The following PTPRU variants were observed in gnomAD, a reference collection of about 807,000 sequenced individuals.
PTPRU encodes the protein receptor-type tyrosine-protein phosphatase U.
In PTPRU, 69 loss-of-function variants were observed where a neutral mutation model predicts 166.3. The observed-to-expected ratio is 0.41, with a 90% CI of 0.34 to 0.51. The LOEUF (loss-of-function observed/expected upper bound fraction) is 0.51. Ranked by LOEUF, PTPRU falls within the 20% of genes least tolerant of loss-of-function variation. The probability of loss-of-function intolerance (pLI) is 0.09; values close to 1 mark genes in which losing one functional copy is unlikely to be tolerated. For missense variants in PTPRU, 1,657 were observed against 2,013.7 expected (o/e 0.82, Z 3.39); for synonymous variants, 793 against 814.0 (o/e 0.97, Z 0.44).
In PTPRU at chr1:29,311,845, G is replaced by A. The variant is rs769516856; in HGVS notation, c.3072+86G>A. ...CCCACTTCCCCCAGCCCTGGGAGCA[G>A]GAGGGTGAGGAGCGCACCACTGCCC... On this transcript the variant is annotated intron_variant, in intron 21 of 29. Transcript: ENST00000373779. This position sits in a 1 kb window ranked among gnomAD's most constrained non-coding sequence, Gnocchi z 4.1. 7.7e-7 allele frequency: 1 copy of A among 1,301,592 alleles called. No individual in the cohort carries two copies. Among genetic ancestry groups the A allele is most frequent in the African/African-American group, 1.5e-5 (1 of 68,548 alleles). 80.6% of individuals were successfully genotyped at this position (1,301,592 alleles called of 1,614,324 possible).
intron 14 of PTPRU, among the ~76,000 whole-genome samples, chr1:29,285,241 C>G (rs1266822172): frequency 6.6e-6 from 1 of 152,172 alleles, no homozygotes; most frequent in East Asian, 1.9e-4. Flanking sequence ...GCCAAGGTGT[C>G]TGCCCTGCTT....
At chr1:29,325,124 T>A in intron 28 of PTPRU, 67 bp from the exon 29 acceptor site, 1 of 1,595,840 alleles carries the variant, frequency 6.3e-7, no homozygotes, top group East Asian at 2.2e-5. Context: ...CCCTCGTGGT[T>A]CCCTGGCCCT....
chr1:29,304,614 G>T (rs917051034), intron 16 of PTPRU, among the ~76,000 whole-genome samples, 160 bp from the exon 17 acceptor site: 3 of 151,974 alleles, frequency 2.0e-5, no homozygotes, highest in Admixed American at 2.0e-4. Flanking sequence ...CTGATAAAAG[G>T]ACCCACAGTG....
chr1:29,296,768 T>C (rs137911315), intron 15 of PTPRU, among the ~76,000 whole-genome samples: 216 of 151,930 alleles, frequency 1.4e-3, no homozygotes, highest in African/African-American at 4.9e-3. Flanking sequence ...GCGATTTACT[T>C]GTCTTTGCCT....
chr1:29,260,285 G>C lies in PTPRU; in HGVS notation c.850+241G>C, dbSNP rs1443513514. ...GGGTCAAGGTGAGAGCCTAAAGAGG[G>C]GTGGGGTTCTGGCTGTGTGACTTCT... is the stretch of plus-strand genomic sequence containing the variant. On this transcript the variant is annotated intron_variant, in intron 6 of 29. Transcript: ENST00000373779. This position sits in a 1 kb window ranked among gnomAD's most constrained non-coding sequence, Gnocchi z 8.3. The C allele has an allele frequency of 1.0e-5, 5 of 500,252 alleles. No homozygotes were observed. Among genetic ancestry groups the C allele is most frequent in the Non-Finnish European group, 1.7e-5 (5 of 298,476 alleles). The allele number at this position is 500,252 out of a possible 1,614,324, so 31.0% of individuals were successfully genotyped here.
chr1:29,283,250 T>C (rs2151954192), intron 12 of PTPRU, among the ~76,000 whole-genome samples: 1 of 132,254 alleles, frequency 7.6e-6, no homozygotes. Flanking sequence ...TTACCTCCCA[T>C]AGAGCCACCC....
Position 29,310,774 on chromosome 1 carries a change from A to C in PTPRU, c.2851A>C (p.Thr951Pro). 1 of 1,613,716 alleles carries C rather than the reference A, an allele frequency of 6.2e-7. No homozygotes were observed. Among genetic ancestry groups the C allele is most frequent in the African/African-American group, 1.3e-5 (1 of 74,924 alleles). The change falls in exon 19 of 30, where the codon ACT becomes CCT. Residue 951 changes from threonine (T) to proline (P), a missense_variant. Thr to Pro is a conservative substitution (Grantham distance 38, BLOSUM62 -1). Coordinates refer to ENST00000373779, the MANE Select transcript of PTPRU (RefSeq NM_133178.4). ...GYHRSNHFIA[T>P]QGPKPEMVYD... is the part of the protein sequence containing the mutation. ...CCACAGGTCAAACCACTTCATAGCC[A>C]CTCAAGGTACCTGGCACTTCTGCCC...
intron 22 of PTPRU, among the ~76,000 whole-genome samples, chr1:29,312,969 C>T (rs1266517680): frequency 1.3e-5 from 2 of 152,148 alleles, no homozygotes; most frequent in African/African-American, 2.4e-5. Flanking sequence ...GAGGGGCCTC[C>T]GGGCCGCTGA....
In PTPRU at chr1:29,260,052, G is replaced by A; in HGVS notation, c.850+8G>A. 7.1e-7 allele frequency: 1 copy of A among 1,416,890 alleles called. No homozygotes were observed. The allele number at this position is 1,416,890 out of a possible 1,614,324, so 87.8% of individuals were successfully genotyped here. A position where few individuals can be genotyped will look rare whatever the true frequency, so the allele number is the denominator to read the frequency against. ...CGGAGCTCATCGTCAAGGGTCAGCT[G>A]GTGGACGCCGGGGAGCGCCGGGACC... On this transcript the variant is annotated splice_region_variant and intron_variant, in intron 6 of 29. Transcript: ENST00000373779. This position sits in a 1 kb window ranked among gnomAD's most constrained non-coding sequence, Gnocchi z 8.3.
intron 7 of PTPRU, among the ~76,000 whole-genome samples, chr1:29,267,896 G>A (rs1268280579): frequency 3.3e-5 from 5 of 152,240 alleles, no homozygotes; most frequent in South Asian, 4.1e-4. Context: ...GCTGGGAGCC[G>A]AGTGGAAGTG....
chr1:29,241,539 A>T (rs1210740283), intron 1 of PTPRU, among the ~76,000 whole-genome samples: 1 of 148,594 alleles, frequency 6.7e-6, no homozygotes, highest in African/African-American at 2.5e-5. Context: ...TCCAGTTGTT[A>T]GTGAGTCTGG....
At position 29,311,542 on chromosome 1, in the gene PTPRU, G is replaced by A. The variant is rs761708200; in HGVS notation, c.2944G>A (p.Glu982Lys). Reference protein sequence around the residue: ...SSIVMITKLVEVGRVKCSRYW... With the variant: ...SSIVMITKLVKVGRVKCSRYW... ...CATCGTCATGATCACCAAGCTGGTC[G>A]AGGTGGGCAGGGTAAGCCGGGCTGT... The change falls in exon 20 of 30, where the codon GAG (glutamate) becomes AAG (lysine). Residue 982 changes from glutamate (E) to lysine (K), a missense_variant. Physicochemically the swap from Glu to Lys is moderately conservative, Grantham distance 56 (BLOSUM62 1). This residue lies in a region of PTPRU where 1,190 missense variants were observed against 1,477.4 expected (regional missense o/e 0.81). Coordinates refer to ENST00000373779, the MANE Select transcript of PTPRU (RefSeq NM_133178.4). The surrounding 1 kb of genome is among the most constrained non-coding windows in gnomAD (Gnocchi z 4.1). 7.4e-6 allele frequency: 12 copies of A among 1,614,216 alleles called. No homozygotes were observed. The South Asian group carries it at 7.7e-5, about 10-fold the overall frequency.
chr1:29,304,705 C>T, intron 16 of PTPRU, 69 bp from the exon 17 acceptor site: 2 of 1,248,428 alleles, frequency 1.6e-6, no homozygotes, highest in Non-Finnish European at 2.3e-6. Flanking sequence ...TACATCATCC[C>T]CACTGAGGGG....
At chr1:29,295,275 G>A (rs1686830641) in intron 15 of PTPRU, among the ~76,000 whole-genome samples, 1 of 151,944 alleles carries the variant, frequency 6.6e-6, no homozygotes, top group African/African-American at 2.4e-5. Flanking sequence ...AAACTCCTGG[G>A]CTCCAGTGAT....
chr1:29,323,584 G>A (rs1221989230), intron 27 of PTPRU, 47 bp from the exon 28 acceptor site: 2 of 1,612,338 alleles, frequency 1.2e-6, no homozygotes. Flanking sequence ...GGGGCCCCTG[G>A]GACCCTGGTG....
In PTPRU at chr1:29,271,345, A is replaced by G. The variant is rs1339440793; in HGVS notation, c.1145-4103A>G. Among the ~76,000 whole-genome samples, 1 of 152,188 alleles carries G rather than the reference A, an allele frequency of 6.6e-6. No individual in the cohort carries two copies. Among genetic ancestry groups the G allele is most frequent in the Non-Finnish European group, 1.5e-5 (1 of 68,026 alleles). ...TGGATTCACACCCCTCAATCAACAT[A>G]TCAGTCTGTAGTCAACAAACTATTT... On this transcript the variant is annotated intron_variant, in intron 7 of 29. Transcript: ENST00000373779. The surrounding 1 kb of genome is among the most constrained non-coding windows in gnomAD (Gnocchi z 4.4).
intron 25 of PTPRU, 138 bp downstream of exon 25, chr1:29,318,059 C>G: frequency 8.7e-7 from 1 of 1,145,644 alleles, no homozygotes; most frequent in African/African-American, 1.6e-5. Flanking sequence ...CTGTGTGTGA[C>G]CCTCCTACTC....
chr1:29,297,294 A>T (rs1686934424), intron 15 of PTPRU, among the ~76,000 whole-genome samples: 2 of 151,766 alleles, frequency 1.3e-5, no homozygotes, highest in Admixed American at 1.3e-4. Context: ...ACCTCAAGTG[A>T]TCCACCCGTC....
intron 15 of PTPRU, among the ~76,000 whole-genome samples, chr1:29,297,775 G>A (rs1311323363): frequency 6.6e-6 from 1 of 152,192 alleles, no homozygotes; most frequent in African/African-American, 2.4e-5. Context: ...TGATGAGTTG[G>A]GGAGTCAGGA....
Sources: gnomAD v4.1 joint callset for allele counts (sites outside exome capture counted in the v4.1 genomes callset) on GRCh38, gnomAD v4.1.1 for gene constraint, gnomAD v4.1.1 regional missense constraint, Gnocchi (gnomAD v3.1) non-coding constraint, MANE v1.5 for transcripts, NCBI Gene and HGNC (gene_info 2026-07-23, HGNC 2026-07-21) for gene names.